The following SV2C variants were observed in gnomAD, a reference collection of about 807,000 sequenced individuals.
SV2C encodes synaptic vesicle glycoprotein 2C.
Under a neutral mutation model 79.7 loss-of-function variants are expected in SV2C, and 49 were observed. The observed-to-expected ratio is 0.61, with a 90% CI of 0.49 to 0.78. The LOEUF is 0.78. Ranked by LOEUF, SV2C falls within the 30% of genes least tolerant of loss-of-function variation. The pLI is 0.00. For missense variants in SV2C, 833 were observed against 912.9 expected (o/e 0.91, Z 1.13); for synonymous variants, 334 against 333.2 (o/e 1.00, Z -0.03).
chr5:76,174,918 G>C, intron 2 of SV2C, among the ~76,000 whole-genome samples: 1 of 152,198 alleles, frequency 6.6e-6, no homozygotes, highest in East Asian at 1.9e-4. Context: ...CCTGTTTACT[G>C]CTGTTGCTGT....
intron 12 of SV2C, among the ~76,000 whole-genome samples, chr5:76,321,366 A>T (rs1368758876): frequency 6.6e-6 from 1 of 152,156 alleles, no homozygotes; most frequent in Non-Finnish European, 1.5e-5. Context: ...GTGACAGCCA[A>T]AAAAGAGTAA....
the SV2C span, among the ~76,000 whole-genome samples, chr5:75,921,918 T>C: frequency 6.6e-6 from 1 of 152,086 alleles, no homozygotes; most frequent in African/African-American, 2.4e-5. Context: ...ATCTAAAGTT[T>C]ACTGTATGTT....
At chr5:76,338,654 TTTTTC>T (rs1489291727), downstream of SV2C, among the ~76,000 whole-genome samples, 222 of 113,718 alleles carry the variant, frequency 2.0e-3, no homozygotes, top group African/African-American at 7.0e-3. Context: ...TTTCTTTTTC[TTTTTC>T]TTTTTTTTTT....
intron 4 of SV2C, among the ~76,000 whole-genome samples, chr5:76,225,985 G>C (rs10066756): frequency 0.52 from 79,634 of 151,976 alleles, 21,176 homozygotes; most frequent in Admixed American, 0.59. Context: ...TCTGGGGTAA[G>C]AGCAAAGAGT....
intron 12 of SV2C, among the ~76,000 whole-genome samples, chr5:76,345,579 G>A (rs190544436): frequency 9.8e-4 from 150 of 152,318 alleles, no homozygotes; most frequent in African/African-American, 3.3e-3. Context: ...TTGAAGTGAG[G>A]CCAAGAGACT....
intron 1 of SV2C, among the ~76,000 whole-genome samples, chr5:76,107,333 C>T (rs1306256540): frequency 6.6e-6 from 1 of 152,092 alleles, no homozygotes; most frequent in Admixed American, 6.6e-5. Context: ...GTTTAGTGTA[C>T]AATAATACCT....
intron 1 of SV2C, among the ~76,000 whole-genome samples, chr5:76,086,176 T>C (rs1483500427): frequency 6.6e-6 from 1 of 152,196 alleles, no homozygotes; most frequent in Non-Finnish European, 1.5e-5. Flanking sequence ...CCCTATCATA[T>C]TCCTTAAGTG....
chr5:76,140,147 A>G (rs35294020), intron 2 of SV2C, among the ~76,000 whole-genome samples: 9,195 of 152,212 alleles, frequency 0.06, 759 homozygotes, highest in East Asian at 0.39. Flanking sequence ...TAGAGTGTTC[A>G]CTCAACCAAA....
intron 9 of SV2C, among the ~76,000 whole-genome samples, chr5:76,297,636 A>T (rs532849283): frequency 3.9e-5 from 6 of 152,032 alleles, no homozygotes; most frequent in Non-Finnish European, 8.8e-5. Flanking sequence ...TGGAGTGGGG[A>T]TTGAAACGAG....
the SV2C span, among the ~76,000 whole-genome samples, chr5:75,877,926 T>C: frequency 1.3e-4 from 19 of 145,862 alleles, no homozygotes; most frequent in Admixed American, 4.7e-4. Flanking sequence ...ACTTATCGAA[T>C]GCAGGGAGTG....
chr5:76,330,680 G>C lies in SV2C; in HGVS notation c.*5133G>C, dbSNP rs1392466014. 2.6e-5 allele frequency: 4 copies of C among 151,998 alleles called. No homozygotes were observed. The highest frequency in any genetic ancestry group is 5.9e-5 in the Non-Finnish European group (4 of 68,028). 9.4% of individuals were successfully genotyped at this position (151,998 alleles called of 1,614,324 possible). On this transcript the variant is annotated 3_prime_UTR_variant, in exon 13 of 13. Transcript: ENST00000502798. ...CTTTGATGAGAGGAGAAAGCTCCTTGATTACCTGGTTTTTGTTGGAGAGAC... is the reference window on the plus strand; with the variant it reads ...CTTTGATGAGAGGAGAAAGCTCCTTCATTACCTGGTTTTTGTTGGAGAGAC...
chr5:75,944,109 C>T, the SV2C span, among the ~76,000 whole-genome samples: 2 of 152,052 alleles, frequency 1.3e-5, no homozygotes, highest in Non-Finnish European at 2.9e-5. Flanking sequence ...CCTCAAAATC[C>T]TGGGCTCAAG....
chr5:75,911,212 C>T, the SV2C span: 1 of 1,584,778 alleles, frequency 6.3e-7, no homozygotes, highest in Non-Finnish European at 8.7e-7. Flanking sequence ...TGCCCAGGCC[C>T]AGCCCTCTCC....
At chr5:75,960,143 A>G in the SV2C span, among the ~76,000 whole-genome samples, 144 of 152,142 alleles carry the variant, frequency 9.5e-4, 1 homozygote, top group East Asian at 9.7e-4. Flanking sequence ...CTTTTAATGA[A>G]AAAATCCTAG....
chr5:76,252,029 TAGG>T (rs1406061350), intron 4 of SV2C, among the ~76,000 whole-genome samples: 1 of 152,192 alleles, frequency 6.6e-6, no homozygotes, highest in Non-Finnish European at 1.5e-5. Flanking sequence ...GGTTCGGAAT[TAGG>T]AGCATTAACC....
chr5:75,990,382 A>G, the SV2C span, among the ~76,000 whole-genome samples: 27 of 151,946 alleles, frequency 1.8e-4, no homozygotes, highest in Admixed American at 1.6e-3. Flanking sequence ...GTCCTCAAGA[A>G]TAAGCCACCA....
intron 12 of SV2C, among the ~76,000 whole-genome samples, chr5:76,312,535 G>A (rs895282397): frequency 7.2e-5 from 11 of 152,266 alleles, no homozygotes; most frequent in Admixed American, 5.9e-4. Flanking sequence ...TTACAGACAT[G>A]AGCCAGCGTG....
the SV2C span, among the ~76,000 whole-genome samples, chr5:75,918,742 G>T: frequency 6.6e-6 from 1 of 152,220 alleles, no homozygotes; most frequent in African/African-American, 2.4e-5. Flanking sequence ...AAGAGTGATA[G>T]ATATCCCAAG....
chr5:76,345,844 G>A (rs1398254971), intron 12 of SV2C, among the ~76,000 whole-genome samples: 1 of 152,110 alleles, frequency 6.6e-6, no homozygotes, highest in African/African-American at 2.4e-5. Context: ...GTCAAGGGAA[G>A]AGCCTAGCTT....
Sources: gnomAD v4.1 joint callset for allele counts (sites outside exome capture counted in the v4.1 genomes callset) on GRCh38, gnomAD v4.1.1 for gene constraint, MANE v1.5 for transcripts, NCBI Gene and HGNC (gene_info 2026-07-23, HGNC 2026-07-21) for gene names.